Variants in JMY observed in about 807,000 individuals in gnomAD.
The protein encoded by JMY is junction-mediating and -regulatory protein.
Under a neutral mutation model 103.3 loss-of-function variants are expected in JMY, and 46 were observed. The ratio of observed to expected loss-of-function variants is 0.45; its 90% CI spans 0.35 to 0.57. The LOEUF is 0.57. JMY is among the 20% of genes least tolerant of loss of function. JMY has a pLI of 0.00. For synonymous variants in JMY, 526 were observed against 489.3 expected (o/e 1.07, Z -0.99); for missense variants, 1,238 against 1,255.2 (o/e 0.99, Z 0.21).
At position 79,288,611 on chromosome 5, in the gene JMY, G is replaced by T. The variant is rs567494264; in HGVS notation, c.1207-1510G>T. On this transcript the variant is annotated intron_variant, in intron 2 of 10. Transcript: ENST00000396137. ...CCTTTCGAAAGTCTGCCCAGACTTT[G>T]CACCCAGATTTCTACACCTGATGCT... Among the ~76,000 whole-genome samples the T allele has an allele frequency of 2.0e-5, 3 of 151,648 alleles. No individual in the cohort carries two copies. In the South Asian group the frequency reaches 6.3e-4, roughly 32 times the overall value.
chr5:79,290,939 C>G (rs189780070), intron 3 of JMY, among the ~76,000 whole-genome samples, 191 bp from the exon 4 acceptor site: 1 of 152,064 alleles, frequency 6.6e-6, no homozygotes, highest in South Asian at 2.1e-4. Flanking sequence ...GAGCTGAAAT[C>G]GCGCCACTGC....
At chr5:79,283,973 T>G (rs1310392993) in intron 2 of JMY, among the ~76,000 whole-genome samples, 1 of 152,212 alleles carries the variant, frequency 6.6e-6, no homozygotes, top group Non-Finnish European at 1.5e-5. Context: ...AAAAGCGTGT[T>G]TGTATTCTTT....
rs373326661 is a variant in JMY, at chr5:79,291,265, G to T, written c.1493G>T (p.Cys498Phe). ...CAGATGATGAGAGCTAAAGAGATAT[G>T]CTTGGAACAGCGGAAACATGCACTA... ...TLQMMRAKEICLEQRKHALKE... is the reference protein window; with the variant it reads ...TLQMMRAKEIFLEQRKHALKE... The change falls in exon 4 of 11, where the codon TGC (cysteine) becomes TTC (phenylalanine). Residue 498 changes from cysteine (C) to phenylalanine (F), a missense_variant. Transcript: ENST00000396137. 6.2e-7 allele frequency: 1 copy of T among 1,602,262 alleles called. No homozygotes were observed. The highest frequency in any genetic ancestry group is 8.5e-7 in the Non-Finnish European group (1 of 1,176,148).
intron 1 of JMY, among the ~76,000 whole-genome samples, chr5:79,277,474 A>AT (rs1341665818): frequency 1.9e-4 from 28 of 150,992 alleles, no homozygotes; most frequent in African/African-American, 5.7e-4. Context: ...AAAAAAAAAA[A>AT]AATATATACA....
intron 1 of JMY, among the ~76,000 whole-genome samples, chr5:79,246,361 G>A (rs1248143628): frequency 1.3e-5 from 2 of 152,066 alleles, no homozygotes; most frequent in Non-Finnish European, 2.9e-5. Flanking sequence ...GCAATAGTTA[G>A]TTAACCTTTA....
At chr5:79,290,869 C>G (rs562315858) in intron 3 of JMY, among the ~76,000 whole-genome samples, 9 of 152,104 alleles carry the variant, frequency 5.9e-5, no homozygotes, top group Admixed American at 4.6e-4. Context: ...GCCTGTAATC[C>G]CAGCTACTCG....
chr5:79,285,757 TCA>T (rs1053423502), intron 2 of JMY, among the ~76,000 whole-genome samples: 1 of 152,174 alleles, frequency 6.6e-6, no homozygotes, highest in African/African-American at 2.4e-5. Flanking sequence ...ATTAGTATAT[TCA>T]CAGTTTTTTC....
intron 7 of JMY, among the ~76,000 whole-genome samples, chr5:79,310,083 T>TTTTTA: frequency 1.0e-5 from 1 of 100,460 alleles, no homozygotes; most frequent in African/African-American, 3.6e-5. Context: ...TTTTTTTTTT[T>TTTTTA]GAGATGGAGT....
chr5:79,300,351 A>G (rs780140818), intron 5 of JMY, 33 bp downstream of exon 5: 7 of 1,476,382 alleles, frequency 4.7e-6, no homozygotes, highest in East Asian at 4.9e-5. Context: ...TAAGTTCACC[A>G]AAGATTGAAT....
At chr5:79,280,514 T>C (rs1193592558) in intron 2 of JMY, among the ~76,000 whole-genome samples, 1 of 152,228 alleles carries the variant, frequency 6.6e-6, no homozygotes, top group African/African-American at 2.4e-5. Flanking sequence ...TTTCACTGCA[T>C]TTCTTTTTCT....
intron 1 of JMY, among the ~76,000 whole-genome samples, chr5:79,248,664 A>G (rs1380904699): frequency 1.3e-5 from 2 of 152,152 alleles, no homozygotes; most frequent in Non-Finnish European, 2.9e-5. Context: ...TAGAAAAAAA[A>G]AAAAGTTTCT....
intron 2 of JMY, among the ~76,000 whole-genome samples, chr5:79,286,271 C>T (rs1256032225): frequency 6.6e-6 from 1 of 152,142 alleles, no homozygotes; most frequent in Non-Finnish European, 1.5e-5. Context: ...AAGGTAAAGA[C>T]ATTAATCCAC....
intron 4 of JMY, among the ~76,000 whole-genome samples, chr5:79,294,654 C>T (rs904781708): frequency 1.3e-5 from 2 of 151,930 alleles, no homozygotes; most frequent in Non-Finnish European, 2.9e-5. Context: ...GTCAGGAGTT[C>T]GAGACCAGCC....
intron 2 of JMY, among the ~76,000 whole-genome samples, chr5:79,288,119 C>G (rs78976296): frequency 0.034 from 5,150 of 152,260 alleles, 111 homozygotes; most frequent in South Asian, 0.062. Flanking sequence ...TGCATAGAAT[C>G]CCACAGTGGT....
At chr5:79,271,221 A>G (rs1745775191) in intron 1 of JMY, among the ~76,000 whole-genome samples, 1 of 150,508 alleles carries the variant, frequency 6.6e-6, no homozygotes, top group African/African-American at 2.4e-5. Context: ...TTTAGTAGAG[A>G]GAGTCTCGCT....
rs1747617932 is a variant in JMY at position 79,325,741 on chromosome 5, G to C, written c.*4139G>C. 6.6e-6 allele frequency: 1 copy of C among 152,142 alleles called. No homozygotes were observed. Among genetic ancestry groups the C allele is most frequent in the African/African-American group, 2.4e-5 (1 of 41,454 alleles). 9.4% of individuals were successfully genotyped at this position (152,142 alleles called of 1,614,324 possible). A position where few individuals can be genotyped will look rare whatever the true frequency, so the allele number is the denominator to read the frequency against. On this transcript the variant is annotated 3_prime_UTR_variant, in exon 11 of 11. Transcript: ENST00000396137. The stretch of plus-strand genomic sequence containing the variant: ...AGAAGGGTCACTGCTTAATTGCTTT[G>C]TAAAATGAAGCAATGGTATTTTTTA...
Position 79,297,269 on chromosome 5 carries a change from T to C in JMY, c.1528-2884T>C, listed in dbSNP as rs551869071. Among the ~76,000 whole-genome samples, 7 of 152,282 alleles carry C rather than the reference T, an allele frequency of 4.6e-5. No individual in the cohort carries two copies. The South Asian group carries it at 1.5e-3, about 32-fold the overall frequency. On this transcript the variant is annotated intron_variant, in intron 4 of 10. Transcript: ENST00000396137. Reference sequence around the variant, plus strand: ...AGTTAAATTTTAAGATGGCCAATTTTTCCTTTGAGTATTTAAACTACTTTC... The same window carrying C: ...AGTTAAATTTTAAGATGGCCAATTTCTCCTTTGAGTATTTAAACTACTTTC...
At chr5:79,308,530 C>CT (rs1366562938) in intron 7 of JMY, among the ~76,000 whole-genome samples, 1 of 152,094 alleles carries the variant, frequency 6.6e-6, no homozygotes, top group Non-Finnish European at 1.5e-5. Context: ...TCTCTTCAGT[C>CT]TATTTTTGGG....
intron 1 of JMY, among the ~76,000 whole-genome samples, chr5:79,260,595 T>C (rs914845063): frequency 4.6e-5 from 7 of 151,820 alleles, no homozygotes; most frequent in African/African-American, 1.4e-4. Context: ...TTTGCCATGT[T>C]GCCCAGGCTG....
Sources: allele counts gnomAD v4.1 joint callset (sites outside exome capture counted in the v4.1 genomes callset), GRCh38; gene constraint gnomAD v4.1.1; transcripts MANE v1.5; gene names NCBI Gene and HGNC (gene_info 2026-07-23, HGNC 2026-07-21).